The following TTC12 variants were observed in gnomAD, a reference collection of about 807,000 sequenced individuals.
TTC12 encodes the protein tetratricopeptide repeat domain 12.
TTC12 carries 70 observed loss-of-function variants against 90.1 expected under a neutral mutation model. The observed-to-expected ratio is 0.78, with a 90% CI of 0.64 to 0.95. The LOEUF (loss-of-function observed/expected upper bound fraction) is 0.95. TTC12 is among the 40% of genes least tolerant of loss of function. TTC12 has a pLI of 0.00. For synonymous variants in TTC12, 296 were observed against 311.5 expected (o/e 0.95, Z 0.53); for missense variants, 819 against 846.1 (o/e 0.97, Z 0.40).
chr11:113,333,522 A>C (rs1347882607), intron 7 of TTC12, among the ~76,000 whole-genome samples: 1 of 152,170 alleles, frequency 6.6e-6, no homozygotes, highest in Non-Finnish European at 1.5e-5. Context: ...TTTAATGGCC[A>C]GATTTCAAAT....
At chr11:113,337,726 G>C (rs782692585) in intron 8 of TTC12, among the ~76,000 whole-genome samples, 1 of 152,172 alleles carries the variant, frequency 6.6e-6, no homozygotes, top group Non-Finnish European at 1.5e-5. Flanking sequence ...CTGCCATGCC[G>C]AGCATGTGTT....
chr11:113,352,103 C>T lies in TTC12; in HGVS notation c.1342C>T (p.Leu448=). Residue 448 remains leucine, a synonymous_variant, in exon 16 of 22, where the codon CTG becomes TTG. Transcript: ENST00000529221. ...TCCCAAGGTAAGCAGCTCCTCGGCT[C>T]TGTGCCAGTGCATTGCCATCATGGG... The part of the protein sequence containing the change: ...TDPKVSSSSA[L]CQCIAIMGNL... 6.2e-7 allele frequency: 1 copy of T among 1,614,212 alleles called. No individual in the cohort carries two copies. The highest frequency in any genetic ancestry group is 8.5e-7 in the Non-Finnish European group (1 of 1,180,026).
intron 21 of TTC12, among the ~76,000 whole-genome samples, chr11:113,372,234 TATC>T (rs1452216502): frequency 6.6e-6 from 1 of 152,226 alleles, no homozygotes; most frequent in Non-Finnish European, 1.5e-5. Context: ...TTCTGCACTG[TATC>T]ATCAACATCA....
rs201907364 is a variant in TTC12 at position 113,316,227 on chromosome 11, A to T, written c.-15-16A>T. The T allele has an allele frequency of 1.8e-4, 239 of 1,331,290 alleles. 1 individual carries two copies. In the African/African-American group the frequency reaches 3.2e-3, roughly 18 times the overall value. The allele number at this position is 1,331,290 out of a possible 1,614,324, so 82.5% of individuals were successfully genotyped here. On this transcript the variant is annotated splice_polypyrimidine_tract_variant and intron_variant, in intron 1 of 21. Coordinates refer to ENST00000529221, the MANE Select transcript of TTC12 (RefSeq NM_017868.4). ...CTTTATTATTATTAATTTCACCATT[A>T]TGCTGCATCCCTTAGGGATTCCGGT...
At chr11:113,372,242 A>G (rs1565641269) in intron 21 of TTC12, among the ~76,000 whole-genome samples, 1 of 152,238 alleles carries the variant, frequency 6.6e-6, no homozygotes, top group Admixed American at 6.5e-5. Context: ...TGTATCATCA[A>G]CATCAGGGGA....
chr11:113,358,104 G>T (rs1035187300), intron 16 of TTC12, among the ~76,000 whole-genome samples: 1 of 152,192 alleles, frequency 6.6e-6, no homozygotes. Flanking sequence ...GCTCCTAGGG[G>T]GAGAAGGATC....
At chr11:113,323,543 T>C in intron 3 of TTC12, 92 bp downstream of exon 3, 1 of 804,868 alleles carries the variant, frequency 1.2e-6, no homozygotes, top group Non-Finnish European at 1.8e-6. Flanking sequence ...CCAGCAAGGC[T>C]GAAATGGTCT....
intron 13 of TTC12, among the ~76,000 whole-genome samples, chr11:113,345,929 C>A (rs1555147993): frequency 1.3e-5 from 2 of 152,136 alleles, no homozygotes; most frequent in Non-Finnish European, 2.9e-5. Flanking sequence ...CCTGCCTACT[C>A]TCTCTAAGAT....
At chr11:113,363,229 G>A (rs1950029520) in intron 19 of TTC12, among the ~76,000 whole-genome samples, 1 of 152,208 alleles carries the variant, frequency 6.6e-6, no homozygotes, top group African/African-American at 2.4e-5. Context: ...TCTGAGTTTA[G>A]ATTGCCACTT....
Position 113,323,111 on chromosome 11 carries a change from A to C in TTC12, c.59-177A>C, listed in dbSNP as rs544110994. Among the ~76,000 whole-genome samples, 4 of 152,058 alleles carry C rather than the reference A, an allele frequency of 2.6e-5. No homozygotes were observed. In the East Asian group the frequency reaches 7.7e-4, roughly 29 times the overall value. ...TGCAACTTTTTCTAGGCAAAAAAAA[A>C]AAAAAAAAAACCTGTTGTTAATTTT... On this transcript the variant is annotated intron_variant, in intron 2 of 21. Transcript: ENST00000529221.
intron 16 of TTC12, among the ~76,000 whole-genome samples, chr11:113,354,362 C>A (rs1555151665): frequency 6.6e-6 from 1 of 152,136 alleles, no homozygotes; most frequent in Admixed American, 6.6e-5. Context: ...AGCTTTTGGG[C>A]CAAGACTGTG....
intron 20 of TTC12, chr11:113,364,468 T>TC: frequency 3.3e-6 from 1 of 307,548 alleles, no homozygotes; most frequent in South Asian, 3.5e-5. Flanking sequence ...CAGGTGTAGG[T>TC]TGCTGGCACA....
Position 113,344,228 on chromosome 11 carries a change from G to A in TTC12, c.986-44G>A, listed in dbSNP as rs1316366703. The A allele has an allele frequency of 1.9e-6, 3 of 1,572,612 alleles. No individual in the cohort carries two copies. The Admixed American group carries it at 5.3e-5, about 28-fold the overall frequency. The stretch of plus-strand genomic sequence containing the variant: ...AGAGGGTGACAGAGCTAGTTTAATT[G>A]CCATGATGGCATGCACAAGACACAC... On this transcript the variant is annotated intron_variant, in intron 12 of 21. Coordinates refer to ENST00000529221, the MANE Select transcript of TTC12 (RefSeq NM_017868.4).
At chr11:113,360,754 A>G (rs1193851398) in intron 18 of TTC12, among the ~76,000 whole-genome samples, 2 of 152,208 alleles carry the variant, frequency 1.3e-5, no homozygotes, top group Non-Finnish European at 2.9e-5. Flanking sequence ...CAAGGGTTGC[A>G]GACTGAGGAC....
At position 113,344,418 on chromosome 11, in the gene TTC12, A is replaced by G. The variant is rs1390943212; in HGVS notation, c.1132A>G (p.Ile378Val). Residue 378 changes from isoleucine to valine, a missense_variant, in exon 13 of 22, where the codon ATC becomes GTC. By Grantham distance (29) the Ile-to-Val change is conservative (BLOSUM62 3). Transcript: ENST00000529221. Reference sequence around the variant, plus strand: ...GACTGAGAGCGGACGGAGCCTGATCATCAACCACCTTGACCTGACCAGGTA... The same window carrying G: ...GACTGAGAGCGGACGGAGCCTGATCGTCAACCACCTTGACCTGACCAGGTA... The part of the protein sequence containing the change: ...AQTESGRSLI[I>V]NHLDLTRLLE... The G allele has an allele frequency of 1.9e-6, 3 of 1,613,946 alleles. No homozygotes were observed. Among genetic ancestry groups the G allele is most frequent in the African/African-American group, 2.7e-5 (2 of 74,944 alleles).
At chr11:113,324,077 G>A in intron 4 of TTC12, 62 bp downstream of exon 4, 1 of 1,352,078 alleles carries the variant, frequency 7.4e-7, no homozygotes. Flanking sequence ...TTGATTGATT[G>A]TAGCTCCCAG....
intron 20 of TTC12, 164 bp from the exon 21 acceptor site, chr11:113,364,671 C>T (rs936686856): frequency 5.7e-5 from 36 of 628,850 alleles, no homozygotes; most frequent in Admixed American, 1.2e-4. Flanking sequence ...GGTTCATATG[C>T]ATTCAGTGAA....
At chr11:113,337,276 A>T (rs782542131) in intron 8 of TTC12, among the ~76,000 whole-genome samples, 44 of 152,374 alleles carry the variant, frequency 2.9e-4, no homozygotes, top group Middle Eastern at 6.8e-3. Context: ...CCTTGGCTTC[A>T]TGGAACTCAT....
In TTC12 at chr11:113,334,058, C is replaced by T. The variant is rs897770835; in HGVS notation, c.505-908C>T. Among the ~76,000 whole-genome samples, 4 of 152,252 alleles carry T rather than the reference C, an allele frequency of 2.6e-5. No individual in the cohort carries two copies. In the East Asian group the frequency reaches 7.7e-4, roughly 29 times the overall value. The stretch of plus-strand genomic sequence containing the variant: ...GAAAATGAGTGTCAGAAAAGTTAGG[C>T]GGCCTGGCCAACAACACGCCACTTC... On this transcript the variant is annotated intron_variant, in intron 7 of 21. Transcript: ENST00000529221.
Sources: allele counts gnomAD v4.1 joint callset (sites outside exome capture counted in the v4.1 genomes callset), GRCh38; gene constraint gnomAD v4.1.1; transcripts MANE v1.5; gene names NCBI Gene and HGNC (gene_info 2026-07-23, HGNC 2026-07-21).